The following SPON1 variants were observed in gnomAD, a reference collection of about 807,000 sequenced individuals.
SPON1 encodes the protein spondin-1.
SPON1 carries 52 observed loss-of-function variants against 111.7 expected under a neutral mutation model. That is an observed-to-expected ratio of 0.47 (90% CI 0.37 to 0.59). SPON1 has a LOEUF of 0.59. Among genes scored for constraint, SPON1 ranks in the 20% least tolerant of loss-of-function variants. SPON1 has a pLI of 0.00. For missense variants in SPON1, 957 were observed against 1,068.5 expected (o/e 0.90, Z 1.46); for synonymous variants, 410 against 395.8 (o/e 1.04, Z -0.43).
At chr11:14,070,956 A>G (rs554903212) in intron 3 of SPON1, among the ~76,000 whole-genome samples, 22 of 152,310 alleles carry the variant, frequency 1.4e-4, no homozygotes, top group Admixed American at 1.3e-3. Flanking sequence ...GTTTGAGAAG[A>G]TAACATACTG....
chr11:14,126,616 C>A (rs1245717065), intron 5 of SPON1, among the ~76,000 whole-genome samples: 1 of 152,152 alleles, frequency 6.6e-6, no homozygotes, highest in Admixed American at 6.5e-5. Context: ...TTGAACTCTG[C>A]TGGAACCAGT....
At chr11:13,994,818 T>C (rs1282487312) in intron 2 of SPON1, among the ~76,000 whole-genome samples, 1 of 152,316 alleles carries the variant, frequency 6.6e-6, no homozygotes, top group Admixed American at 6.5e-5. Flanking sequence ...GGTCTTAGGA[T>C]GTATCATAGG....
chr11:14,045,350 G>C (rs1408767432), intron 3 of SPON1, among the ~76,000 whole-genome samples: 1 of 152,074 alleles, frequency 6.6e-6, no homozygotes. Flanking sequence ...CGAGAGGGGG[G>C]CAGATCGCCT....
chr11:14,199,750 G>A (rs1187790669), intron 6 of SPON1, among the ~76,000 whole-genome samples: 2 of 152,082 alleles, frequency 1.3e-5, no homozygotes, highest in Admixed American at 1.3e-4. Flanking sequence ...AGGTTCATTC[G>A]CTCATGCACG....
chr11:13,990,373 C>CTTTTTTT (rs1159719282), intron 2 of SPON1, among the ~76,000 whole-genome samples: 6 of 21,708 alleles, frequency 2.8e-4, no homozygotes, highest in African/African-American at 5.1e-4. Context: ...GCAACTCCTG[C>CTTTTTTT]TTTTTTTTTT....
Position 14,135,978 on chromosome 11 carries a change from C to G in SPON1, c.825+410C>G, listed in dbSNP as rs141042042. ...TGGCACGTGCTTTTTGCAACTATGT[C>G]TTGAGGTACTTGATAAATTAGTCGT... is the stretch of plus-strand genomic sequence containing the variant. On this transcript the variant is annotated intron_variant, in intron 6 of 15. Coordinates refer to ENST00000576479, the MANE Select transcript of SPON1 (RefSeq NM_006108.4). This position sits in a 1 kb window ranked among gnomAD's most constrained non-coding sequence, Gnocchi z 4.4. Among the ~76,000 whole-genome samples, 431 of 152,272 alleles carry G rather than the reference C, an allele frequency of 2.8e-3. 1 individual carries two copies. Among genetic ancestry groups the G allele is most frequent in the African/African-American group, 9.5e-3 (394 of 41,534 alleles).
chr11:14,027,268 T>A (rs1848525761), intron 2 of SPON1, among the ~76,000 whole-genome samples: 1 of 152,318 alleles, frequency 6.6e-6, no homozygotes, highest in South Asian at 2.1e-4. Context: ...GATGCCTCTT[T>A]CCAAAATTCC....
At chr11:14,029,557 A>G (rs941692542) in intron 2 of SPON1, among the ~76,000 whole-genome samples, 1 of 152,144 alleles carries the variant, frequency 6.6e-6, no homozygotes, top group East Asian at 1.9e-4. Context: ...GAGTCCTCCT[A>G]TCAGGTTTCC....
chr11:14,005,580 A>G (rs1163014487), intron 2 of SPON1, among the ~76,000 whole-genome samples: 2 of 152,212 alleles, frequency 1.3e-5, no homozygotes, highest in African/African-American at 2.4e-5. Context: ...TTCAAATTAG[A>G]CAGAGGGAAT....
intron 5 of SPON1, among the ~76,000 whole-genome samples, chr11:14,123,553 C>A (rs1847421507): frequency 6.6e-6 from 1 of 152,128 alleles, no homozygotes; most frequent in African/African-American, 2.4e-5. Flanking sequence ...AATCTCTATT[C>A]AGCTCTTAGC....
At chr11:14,134,742 T>C (rs1847570894) in intron 5 of SPON1, among the ~76,000 whole-genome samples, 1 of 152,222 alleles carries the variant, frequency 6.6e-6, no homozygotes, top group Admixed American at 6.5e-5. Flanking sequence ...GCTGTCTGGA[T>C]GATTTATCTA....
chr11:14,017,323 T>TA (rs1189807217), intron 2 of SPON1, among the ~76,000 whole-genome samples: 25 of 151,830 alleles, frequency 1.6e-4, no homozygotes, highest in African/African-American at 2.9e-4. Context: ...CTCTTTAATT[T>TA]AAAAAAAAAT....
At chr11:14,045,401 A>AC (rs1330062850) in intron 3 of SPON1, among the ~76,000 whole-genome samples, 10 of 151,742 alleles carry the variant, frequency 6.6e-5, no homozygotes, top group Middle Eastern at 3.4e-3. Flanking sequence ...ACATGGTGAA[A>AC]CCCCCGTCTC....
chr11:14,090,432 C>G (rs2133837606), intron 5 of SPON1, among the ~76,000 whole-genome samples: 1 of 152,228 alleles, frequency 6.6e-6, no homozygotes, highest in South Asian at 2.1e-4. Context: ...GCCGCGGACC[C>G]TCGTAGTGAG....
chr11:13,993,055 G>T (rs1848243557), intron 2 of SPON1, among the ~76,000 whole-genome samples: 1 of 152,082 alleles, frequency 6.6e-6, no homozygotes, highest in Non-Finnish European at 1.5e-5. Context: ...GATTGCATTT[G>T]TGGCTCTAAA....
rs782028499 is a variant in SPON1, at chr11:14,135,550, G to A, written c.807G>A (p.Glu269=). 6.2e-7 allele frequency: 1 copy of A among 1,613,372 alleles called. No homozygotes were observed. Among genetic ancestry groups the A allele is most frequent in the South Asian group, 1.1e-5 (1 of 91,022 alleles). ...AATTGGGCTCACCCGTGAAAATGGAGGAAGAAATTCGACAACAGGTAAGAC... is the reference window on the plus strand; with the variant it reads ...AATTGGGCTCACCCGTGAAAATGGAAGAAGAAATTCGACAACAGGTAAGAC... The part of the protein sequence containing the change: ...VAELGSPVKM[E]EEIRQQSDEV... Residue 269 remains glutamate (E), a synonymous_variant, in exon 6 of 16, where the codon GAG becomes GAA. Coordinates refer to ENST00000576479, the MANE Select transcript of SPON1 (RefSeq NM_006108.4). This position sits in a 1 kb window ranked among gnomAD's most constrained non-coding sequence, Gnocchi z 4.4.
At chr11:14,243,466 C>A in intron 7 of SPON1, 70 bp downstream of exon 7, 1 of 1,224,932 alleles carries the variant, frequency 8.2e-7, no homozygotes, top group Non-Finnish European at 1.2e-6. Flanking sequence ...TACCTAATGG[C>A]CACCACATAC....
At chr11:14,112,403 C>T (rs1849233117) in intron 5 of SPON1, among the ~76,000 whole-genome samples, 1 of 152,188 alleles carries the variant, frequency 6.6e-6, no homozygotes, top group Non-Finnish European at 1.5e-5. Context: ...GTAGACTCTG[C>T]AGTCAGAATA....
intron 6 of SPON1, among the ~76,000 whole-genome samples, chr11:14,169,276 G>T (rs1591397486): frequency 6.6e-6 from 1 of 152,090 alleles, no homozygotes; most frequent in East Asian, 1.9e-4. Context: ...TTTTTCATGT[G>T]TTTTTTGACT....
Sources: gnomAD v4.1 joint callset for allele counts (sites outside exome capture counted in the v4.1 genomes callset) on GRCh38, gnomAD v4.1.1 for gene constraint, Gnocchi (gnomAD v3.1) non-coding constraint, MANE v1.5 for transcripts, NCBI Gene and HGNC (gene_info 2026-07-23, HGNC 2026-07-21) for gene names.